OSGIN1: variants seen among roughly 807,000 people sequenced by gnomAD.
The protein encoded by OSGIN1 is oxidative stress induced growth inhibitor 1, also known as oxidative stress-induced growth inhibitor 1.
Under a neutral mutation model 20.1 loss-of-function variants are expected in OSGIN1, and 19 were observed. The ratio of observed to expected loss-of-function variants is 0.95; its 90% confidence interval spans 0.66 to 1.39. The LOEUF (loss-of-function observed/expected upper bound fraction) is 1.39, where lower values mean the gene tolerates loss of function less well. Among genes scored for constraint, OSGIN1 ranks in the 40% most tolerant of loss-of-function variants. The pLI is 0.00. For missense variants in OSGIN1, 820 were observed against 653.0 expected, an observed-to-expected ratio of 1.26 and a Z score of -2.79; for synonymous variants, 368 against 297.8, an observed-to-expected ratio of 1.24 and a Z score of -2.43.
rs1418543152 is a variant in OSGIN1 at position 83,965,102 on chromosome 16, CACT to C, written c.535_537del (p.Tyr179del). The C allele has an allele frequency of 2.5e-5, 41 of 1,609,312 alleles. No individual in the cohort carries two copies. The highest frequency in any genetic ancestry group is 3.2e-5 in the Non-Finnish European group (38 of 1,177,040). The stretch of plus-strand genomic sequence containing the variant: ...CCGGGCCACTGCCGGGGACATCGCC[CACT>C]ACTACAGGGACTACGTGGTCAAGAA... On this transcript the variant is annotated inframe_deletion, in exon 6 of 6. Coordinates refer to ENST00000393306, the MANE Select transcript of OSGIN1 (RefSeq NM_182981.3).
At chr16:83,957,011 A>G (rs1908962388) in intron 1 of OSGIN1, 1 of 152,320 alleles carries the variant, frequency 6.6e-6, no homozygotes, top group Non-Finnish European at 1.5e-5. Flanking sequence ...CCCCAAGTCC[A>G]TCCCAGCTCC....
chr16:83,954,973 G>T (rs934830411), intron 1 of OSGIN1, among the ~76,000 whole-genome samples: 1 of 152,216 alleles, frequency 6.6e-6, no homozygotes, highest in African/African-American at 2.4e-5. Flanking sequence ...GTGCCTGGGG[G>T]TGTCAGCCCA....
In OSGIN1 at chr16:83,959,229, AC is replaced by A. The variant is rs770219151; in HGVS notation, c.68-26del. On this transcript the variant is annotated intron_variant, in intron 2 of 5. Transcript: ENST00000393306. ...GTAGTGTCCCCCACCTGAAAAGGCCACCCCCTTTAACCTCCACCCTCTCTCC... is the reference window on the plus strand; with the variant it reads ...GTAGTGTCCCCCACCTGAAAAGGCCACCCCTTTAACCTCCACCCTCTCTCC... 53 of 1,596,314 alleles carry A rather than the reference AC, an allele frequency of 3.3e-5. No individual in the cohort carries two copies. In the East Asian group the frequency reaches 1.1e-3, roughly 32 times the overall value.
At chr16:83,957,765 G>T (rs991500792) in intron 2 of OSGIN1, 27 bp downstream of exon 2, 4 of 1,392,608 alleles carry the variant, frequency 2.9e-6, no homozygotes, top group Non-Finnish European at 3.0e-6. Context: ...AGCCAGGGAG[G>T]GGCTCCGCTG....
At position 83,966,302 on chromosome 16, in the gene OSGIN1, C is replaced by T. The variant is rs1330352779; in HGVS notation, c.*295C>T. ...CCTGCAGCCCTGCGCCTTCCAGAAG[C>T]AGGTCCCAAATAAAGCCAGTGCCCA... On this transcript the variant is annotated 3_prime_UTR_variant, in exon 6 of 6. Coordinates refer to ENST00000393306, the MANE Select transcript of OSGIN1 (RefSeq NM_182981.3). 1.5e-5 allele frequency: 7 copies of T among 458,468 alleles called. No homozygotes were observed. Among genetic ancestry groups the T allele is most frequent in the Non-Finnish European group, 2.7e-5 (7 of 260,312 alleles). 28.4% of individuals were successfully genotyped at this position (458,468 alleles called of 1,614,324 possible).
At chr16:83,965,024 C>T (rs750261752) in intron 5 of OSGIN1, 38 bp from the exon 6 acceptor site, 4 of 676,290 alleles carry the variant, frequency 5.9e-6, no homozygotes, top group African/African-American at 1.8e-5. Context: ...CAACCCCTAA[C>T]AGTGTCTGAC....
chr16:83,956,719 C>T (rs1251481156), intron 1 of OSGIN1, among the ~76,000 whole-genome samples: 1 of 152,206 alleles, frequency 6.6e-6, no homozygotes, highest in Non-Finnish European at 1.5e-5. Flanking sequence ...GTCAAATACC[C>T]GGTACACAGT....
At position 83,957,596 on chromosome 16, in the gene OSGIN1, G is replaced by A. The variant is rs779890411; in HGVS notation, c.-32-44G>A. The A allele has an allele frequency of 8.1e-6, 8 of 985,460 alleles. 1 individual carries two copies. In the South Asian group the frequency reaches 1.1e-4, roughly 13 times the overall value. The allele number at this position is 985,460 out of a possible 1,614,324, so 61.0% of individuals were successfully genotyped here. ...GTGAAGTGGCTGTGTGGACACCCAG[G>A]CCTCACCCGAATGGACTCTTCCTTC... On this transcript the variant is annotated intron_variant, in intron 1 of 5. Transcript: ENST00000393306.
chr16:83,965,057 A>G lies in OSGIN1; in HGVS notation c.489-5A>G, dbSNP rs733728. On this transcript the variant is annotated splice_region_variant and splice_polypyrimidine_tract_variant and intron_variant, in intron 5 of 5. Transcript: ENST00000393306. Reference sequence around the variant, plus strand: ...GACTCTGGCGTCCTGCATCCTCCCCAACAGAGGTCTTCGCAACAGCCGGGC... The same window carrying G: ...GACTCTGGCGTCCTGCATCCTCCCCGACAGAGGTCTTCGCAACAGCCGGGC... The G allele has an allele frequency of 0.17, 231,998 of 1,395,476 alleles. 19,386 individuals are homozygous for G. Among genetic ancestry groups the G allele is most frequent in the African/African-American group, 0.33 (23,082 of 69,152 alleles). The allele number at this position is 1,395,476 out of a possible 1,614,324, so 86.4% of individuals were successfully genotyped here. A position where few individuals can be genotyped will look rare whatever the true frequency, so the allele number is the denominator to read the frequency against.
At chr16:83,959,080 C>A (rs1909076348) in intron 2 of OSGIN1, among the ~76,000 whole-genome samples, 180 bp from the exon 3 acceptor site, 1 of 152,156 alleles carries the variant, frequency 6.6e-6, no homozygotes, top group South Asian at 2.1e-4. Context: ...GTTGTTCATT[C>A]CTTCTTTTTA....
rs201665235 is a variant in OSGIN1, at chr16:83,960,562, C to A, written c.205-7C>A. The A allele has an allele frequency of 1.6e-5, 25 of 1,611,706 alleles. No individual in the cohort carries two copies. The highest frequency in any genetic ancestry group is 6.6e-5 in the South Asian group (6 of 90,994). On this transcript the variant is annotated splice_region_variant and splice_polypyrimidine_tract_variant and intron_variant, in intron 3 of 5. Coordinates refer to ENST00000393306, the MANE Select transcript of OSGIN1 (RefSeq NM_182981.3). ...CAGCAGCCCCTCTGACCTATGCCCC[C>A]CTCCAGGACCTGGACTACCTGTCCG...
At chr16:83,964,058 C>G (rs1391851887) in intron 5 of OSGIN1, among the ~76,000 whole-genome samples, 3 of 152,014 alleles carry the variant, frequency 2.0e-5, no homozygotes, top group Non-Finnish European at 1.5e-5. Context: ...AATCCCAGCA[C>G]TTTGGGAGGC....
At chr16:83,956,699 GA>G (rs879305402) in intron 1 of OSGIN1, among the ~76,000 whole-genome samples, 64 of 152,330 alleles carry the variant, frequency 4.2e-4, no homozygotes, top group Admixed American at 7.8e-4. Context: ...GCGGATATGA[GA>G]AAAAGCATGT....
chr16:83,965,231 T>C lies in OSGIN1; in HGVS notation c.658T>C (p.Phe220Leu). The C allele has an allele frequency of 6.2e-7, 1 of 1,612,680 alleles. No homozygotes were observed. The highest frequency in any genetic ancestry group is 2.2e-5 in the East Asian group (1 of 44,868). The change falls in exon 6 of 6, where the codon TTC becomes CTC. Residue 220 changes from phenylalanine to leucine, a missense_variant. Physicochemically the swap from Phe to Leu is conservative, Grantham distance 22 (BLOSUM62 0). Transcript: ENST00000393306. ...SCGAQDSSPL[F>L]QVSGFLTRNQ... ...TGGGGCCCAGGACTCCAGCCCCCTC[T>C]TCCAGGTGAGCGGCTTCCTGACCAG...
Position 83,960,639 on chromosome 16 carries a change from T to G in OSGIN1, c.275T>G (p.Leu92Arg), listed in dbSNP as rs752571778. Residue 92 changes from leucine (L) to arginine (R), a missense_variant, in exon 4 of 6, where the codon CTT becomes CGT. By Grantham distance (102) the Leu-to-Arg change is moderately radical (BLOSUM62 -2). Coordinates refer to ENST00000393306, the MANE Select transcript of OSGIN1 (RefSeq NM_182981.3). ...QSPVALLFDA[L>R]LRPDTDFGGN... ...CCCGTGGCCCTGCTCTTTGATGCCC[T>G]TCTACGCCCAGACACAGACTTTGGG... is the stretch of plus-strand genomic sequence containing the variant. The G allele has an allele frequency of 6.2e-7, 1 of 1,613,594 alleles. No individual in the cohort carries two copies.
In OSGIN1 at chr16:83,965,919, C is replaced by A; in HGVS notation, c.1346C>A (p.Ala449Asp). Residue 449 changes from alanine (A) to aspartate (D), a missense_variant, in exon 6 of 6, where the codon GCC becomes GAC. Coordinates refer to ENST00000393306, the MANE Select transcript of OSGIN1 (RefSeq NM_182981.3). The stretch of plus-strand genomic sequence containing the variant: ...GGCCTGTACGCCATGGGGCCGCTGG[C>A]CGGGGACAACTTCGTGAGGTTTGTG... ...QEGLYAMGPL[A>D]GDNFVRFVQG... 6.2e-7 allele frequency: 1 copy of A among 1,612,726 alleles called. No individual in the cohort carries two copies. The highest frequency in any genetic ancestry group is 8.5e-7 in the Non-Finnish European group (1 of 1,179,966).
chr16:83,965,884 C>T lies in OSGIN1; in HGVS notation c.1311C>T (p.Thr437=). 6.2e-7 allele frequency: 1 copy of T among 1,612,924 alleles called. No homozygotes were observed. Among genetic ancestry groups the T allele is most frequent in the Non-Finnish European group, 8.5e-7 (1 of 1,180,006 alleles). The change falls in exon 6 of 6, where the codon ACC becomes ACT. Residue 437 remains threonine, a synonymous_variant. Coordinates refer to ENST00000393306, the MANE Select transcript of OSGIN1 (RefSeq NM_182981.3). ...IDVDPFTYQS[T]RQEGLYAMGP... is the part of the protein sequence containing the mutation. The stretch of plus-strand genomic sequence containing the variant: ...TGGACCCCTTCACCTACCAGAGCAC[C>T]CGCCAGGAGGGCCTGTACGCCATGG...
rs1273629385 is a variant in OSGIN1 at position 83,959,270 on chromosome 16, C to T, written c.78C>T (p.Pro26=). The change falls in exon 3 of 6, where the codon CCC becomes CCT. Residue 26 remains proline (P), a synonymous_variant. Transcript: ENST00000393306. ...ACCCTCTCTCCCCAGGTAACGGCCC[C>T]TCTGGTATCTGCCTGTCCTACCTGC... The part of the protein sequence containing the change: ...PLPVIIVGNG[P]SGICLSYLLS... 3.1e-6 allele frequency: 5 copies of T among 1,613,692 alleles called. No homozygotes were observed. The highest frequency in any genetic ancestry group is 2.7e-5 in the African/African-American group (2 of 74,970).
In OSGIN1 at chr16:83,957,670, C is replaced by T; in HGVS notation, c.-2C>T. The T allele has an allele frequency of 6.2e-7, 1 of 1,603,948 alleles. No individual in the cohort carries two copies. Among genetic ancestry groups the T allele is most frequent in the Non-Finnish European group, 8.5e-7 (1 of 1,174,628 alleles). ...CTGCCAGCCCCAAGCCCCCCACCAG[C>T]CATGAGCTCCTCCAGAAAGGACCAC... On this transcript the variant is annotated 5_prime_UTR_variant, in exon 2 of 6. Transcript: ENST00000393306.
Sources: gnomAD v4.1 joint callset for allele counts (sites outside exome capture counted in the v4.1 genomes callset) on GRCh38, gnomAD v4.1.1 for gene constraint, MANE v1.5 for transcripts, NCBI Gene and HGNC (gene_info 2026-07-23, HGNC 2026-07-21) for gene names.